DDX46: variants seen among roughly 807,000 people sequenced by gnomAD.
DDX46 encodes DEAD-box helicase 46.
DDX46 carries 30 observed loss-of-function variants against 134.9 expected under a neutral mutation model. The ratio of observed to expected loss-of-function variants is 0.22; its 90% confidence interval spans 0.17 to 0.30. DDX46 has a LOEUF of 0.30. Ranked by LOEUF, DDX46 falls within the 10% of genes least tolerant of loss-of-function variation. The pLI, the probability that DDX46 is intolerant of heterozygous loss-of-function variation, is 1.00. For missense variants in DDX46, 622 were observed against 1,248.7 expected, an observed-to-expected ratio of 0.50 and a Z score of 7.56; for synonymous variants, 415 against 404.1, an observed-to-expected ratio of 1.03 and a Z score of -0.32.
At chr5:134,760,206 CTA>C (rs1244818296) in intron 1 of DDX46, among the ~76,000 whole-genome samples, 1 of 152,166 alleles carries the variant, frequency 6.6e-6, no homozygotes, top group Non-Finnish European at 1.5e-5. Context: ...AATTTAAACT[CTA>C]TGACAGCCTT....
Position 134,788,605 on chromosome 5 carries a change from A to G in DDX46, c.1543+14A>G. On this transcript the variant is annotated intron_variant, in intron 12 of 22. Coordinates refer to ENST00000452510, the MANE Select transcript of DDX46 (RefSeq NM_001300860.2). The stretch of plus-strand genomic sequence containing the variant: ...CCGCTAACAGTGGTAAGTCAGGGGT[A>G]TTTTTTTGGTGTCTTTTATTTTTGA... 1 of 1,609,200 alleles carries G rather than the reference A, an allele frequency of 6.2e-7. No individual in the cohort carries two copies. The highest frequency in any genetic ancestry group is 8.5e-7 in the Non-Finnish European group (1 of 1,177,544).
At chr5:134,819,528 G>A in intron 21 of DDX46, among the ~76,000 whole-genome samples, 1 of 152,018 alleles carries the variant, frequency 6.6e-6, no homozygotes, top group East Asian at 1.9e-4. Flanking sequence ...CATTCCAGAG[G>A]CAATTTCCAT....
chr5:134,822,128 C>T (rs1224409645), intron 21 of DDX46, among the ~76,000 whole-genome samples: 1 of 152,124 alleles, frequency 6.6e-6, no homozygotes, highest in Non-Finnish European at 1.5e-5. Flanking sequence ...AACTGCCTAC[C>T]TCAGCCTCCC....
rs117547944 is a variant in DDX46 at position 134,809,730 on chromosome 5, C to T, written c.2149-1491C>T. On this transcript the variant is annotated intron_variant, in intron 16 of 22. Transcript: ENST00000452510. Reference sequence around the variant, plus strand: ...TGTTTTAAAATTCGTAACAGTTGGCCGGGCGCGGTGGCTCACGCCTGTAAT... The same window carrying T: ...TGTTTTAAAATTCGTAACAGTTGGCTGGGCGCGGTGGCTCACGCCTGTAAT... 4.2e-3 allele frequency among the ~76,000 whole-genome samples: 611 copies of T among 144,932 alleles called. 11 individuals are homozygous for T. The East Asian group carries it at 0.074, about 18-fold the overall frequency.
At position 134,795,037 on chromosome 5, in the gene DDX46, T is replaced by C. The variant is rs539848413; in HGVS notation, c.1791+23T>C. 19 of 1,611,140 alleles carry C rather than the reference T, an allele frequency of 1.2e-5. No individual in the cohort carries two copies. In the African/African-American group the frequency reaches 1.6e-4, roughly 14 times the overall value. ...GTGGTGGGTACCATCTTTAGGAAAT[T>C]CCCAGTTTCCTTGATACTTAGGTGG... On this transcript the variant is annotated intron_variant, in intron 14 of 22. Transcript: ENST00000452510.
rs1354849743 is a variant in DDX46, at chr5:134,801,426, T to C, written c.1954+5276T>C. Among the ~76,000 whole-genome samples the C allele has an allele frequency of 3.3e-5, 5 of 152,132 alleles. No individual in the cohort carries two copies. The East Asian group carries it at 9.6e-4, about 29-fold the overall frequency. On this transcript the variant is annotated intron_variant, in intron 15 of 22. Transcript: ENST00000452510. ...ATTTTTTTCCTTGAGACAACTTTTC[T>C]CTGTTGCCCAGGCTGGAGTACAGTG... is the stretch of plus-strand genomic sequence containing the variant.
intron 14 of DDX46, among the ~76,000 whole-genome samples, chr5:134,795,742 G>C (rs941648207): frequency 1.3e-5 from 2 of 152,068 alleles, no homozygotes; most frequent in African/African-American, 4.8e-5. Context: ...TTTATTTCTT[G>C]GTTACTAGGA....
chr5:134,760,558 C>A (rs1753345848), intron 1 of DDX46, among the ~76,000 whole-genome samples: 1 of 152,048 alleles, frequency 6.6e-6, no homozygotes. Context: ...TTCTCCTTAG[C>A]AGCAATGAGT....
chr5:134,824,091 A>G (rs1318909586), intron 21 of DDX46, among the ~76,000 whole-genome samples: 3 of 152,352 alleles, frequency 2.0e-5, no homozygotes, highest in South Asian at 4.1e-4. Flanking sequence ...ATCAGAACAC[A>G]TCTCTACTAC....
chr5:134,801,005 C>G (rs1168176777), intron 15 of DDX46, among the ~76,000 whole-genome samples: 1 of 151,234 alleles, frequency 6.6e-6, no homozygotes, highest in Non-Finnish European at 1.5e-5. Context: ...GTTTGTAGGC[C>G]GGGTGCAGTG....
At chr5:134,767,801 T>G (rs1046877787) in intron 3 of DDX46, among the ~76,000 whole-genome samples, 3 of 151,570 alleles carry the variant, frequency 2.0e-5, no homozygotes, top group African/African-American at 7.3e-5. Context: ...AAATACAAAA[T>G]TAGCTGGGCG....
intron 1 of DDX46, among the ~76,000 whole-genome samples, chr5:134,759,927 C>T (rs1288256389): frequency 6.6e-6 from 1 of 152,208 alleles, no homozygotes; most frequent in African/African-American, 2.4e-5. Flanking sequence ...TTATTTGACT[C>T]ATTCTTCTCT....
intron 16 of DDX46, among the ~76,000 whole-genome samples, chr5:134,810,727 C>T (rs916223815): frequency 2.0e-5 from 3 of 151,330 alleles, no homozygotes; most frequent in South Asian, 2.1e-4. Context: ...AAACTTGGGC[C>T]GGGCACAGTG....
intron 11 of DDX46, among the ~76,000 whole-genome samples, chr5:134,785,821 C>T (rs1001216432): frequency 2.6e-5 from 4 of 151,172 alleles, no homozygotes; most frequent in Non-Finnish European, 5.9e-5. Flanking sequence ...GCTGAAAATT[C>T]GCTAAGCCAG....
At position 134,830,274 on chromosome 5, in the gene DDX46, A is replaced by G. The variant is rs1203503091; in HGVS notation, c.*1568A>G. The G allele has an allele frequency of 6.6e-6, 1 of 152,166 alleles. No homozygotes were observed. Among genetic ancestry groups the G allele is most frequent in the African/African-American group, 2.4e-5 (1 of 41,434 alleles). The allele number at this position is 152,166 out of a possible 1,614,324, so 9.4% of individuals were successfully genotyped here. ...TACATTGTGTTAGGTATTTTAAGTA[A>G]TTTAAAGGTTACAGTATACAGGCGG... On this transcript the variant is annotated 3_prime_UTR_variant, in exon 23 of 23. Transcript: ENST00000452510.
Position 134,795,974 on chromosome 5 carries a change from T to C in DDX46, c.1792-14T>C, listed in dbSNP as rs906800835. On this transcript the variant is annotated splice_polypyrimidine_tract_variant and intron_variant, in intron 14 of 22. Coordinates refer to ENST00000452510, the MANE Select transcript of DDX46 (RefSeq NM_001300860.2). Reference sequence around the variant, plus strand: ...TTTTCACTTCATTAACTTGATACAATATGGTGTTTTCAGATTGTGATTGAA... The same window carrying C: ...TTTTCACTTCATTAACTTGATACAACATGGTGTTTTCAGATTGTGATTGAA... The C allele has an allele frequency of 6.2e-7, 1 of 1,610,954 alleles. No homozygotes were observed. The highest frequency in any genetic ancestry group is 1.3e-5 in the African/African-American group (1 of 74,842).
intron 13 of DDX46, 51 bp from the exon 14 acceptor site, chr5:134,794,799 C>T: frequency 2.5e-6 from 4 of 1,599,970 alleles, no homozygotes; most frequent in Non-Finnish European, 3.4e-6. Context: ...ATTGCATAAG[C>T]TTTGAAGACC....
intron 4 of DDX46, among the ~76,000 whole-genome samples, chr5:134,772,833 C>T (rs1199937497): frequency 6.6e-6 from 1 of 152,180 alleles, no homozygotes; most frequent in Non-Finnish European, 1.5e-5. Flanking sequence ...CGGAGTTCTG[C>T]TCTTGTTGCT....
chr5:134,788,271 C>T (rs2150144851), intron 11 of DDX46, among the ~76,000 whole-genome samples: 1 of 151,226 alleles, frequency 6.6e-6, no homozygotes, highest in East Asian at 1.9e-4. Context: ...AAGTTCATTT[C>T]TTGGTTTTGA....
Sources: gnomAD v4.1 joint callset for allele counts (sites outside exome capture counted in the v4.1 genomes callset) on GRCh38, gnomAD v4.1.1 for gene constraint, MANE v1.5 for transcripts, NCBI Gene and HGNC (gene_info 2026-07-23, HGNC 2026-07-21) for gene names.